The following MAP3K19 variants were observed in gnomAD, a reference collection of about 807,000 sequenced individuals.
MAP3K19 encodes the protein mitogen-activated protein kinase kinase kinase 19, also known as SPS1/STE20-related protein kinase YSK4.
A neutral mutation model predicts 114.4 loss-of-function variants in MAP3K19; 91 were observed. That is an observed-to-expected ratio of 0.80 (90% CI 0.67 to 0.95). The LOEUF is 0.95. MAP3K19 is among the 40% of genes least tolerant of loss of function. MAP3K19 has a pLI of 0.00. For synonymous variants in MAP3K19, 518 were observed against 530.5 expected (o/e 0.98, Z 0.32); for missense variants, 1,471 against 1,573.2 (o/e 0.94, Z 1.10).
chr2:135,018,816 G>A (rs764888116), intron 5 of MAP3K19, among the ~76,000 whole-genome samples: 8 of 152,080 alleles, frequency 5.3e-5, no homozygotes, highest in Non-Finnish European at 1.2e-4. Context: ...TGGGCGTGGC[G>A]GCTCACACTT....
chr2:134,971,451 G>C (rs1683876848), intron 12 of MAP3K19, among the ~76,000 whole-genome samples: 1 of 152,148 alleles, frequency 6.6e-6, no homozygotes, highest in Non-Finnish European at 1.5e-5. Context: ...ATGAGTTAGG[G>C]AGAATTCCTT....
chr2:134,980,336 T>A (rs1684545201), intron 12 of MAP3K19, among the ~76,000 whole-genome samples: 2 of 152,186 alleles, frequency 1.3e-5, no homozygotes, highest in Admixed American at 6.5e-5. Flanking sequence ...ATTCCATAGA[T>A]AGGAGAGAAG....
intron 5 of MAP3K19, among the ~76,000 whole-genome samples, chr2:135,007,298 T>C (rs1347251363): frequency 6.6e-6 from 1 of 152,256 alleles, no homozygotes; most frequent in East Asian, 1.9e-4. Flanking sequence ...TTTTTTAATT[T>C]TTATGGGTAC....
intron 5 of MAP3K19, among the ~76,000 whole-genome samples, chr2:135,008,209 ACCTCC>A (rs1686969569): frequency 6.7e-6 from 1 of 150,362 alleles, no homozygotes; most frequent in African/African-American, 2.5e-5. Flanking sequence ...TGCAACCTCC[ACCTCC>A]CGGGTTCAAG....
At chr2:135,005,952 A>C (rs1237052934) in intron 5 of MAP3K19, among the ~76,000 whole-genome samples, 1 of 152,178 alleles carries the variant, frequency 6.6e-6, no homozygotes, top group Admixed American at 6.5e-5. Flanking sequence ...ATATGGCAAG[A>C]ATGGAAATCC....
Position 134,999,794 on chromosome 2 carries a change from C to A in MAP3K19, c.314+143G>T. Reference sequence around the variant, plus strand: ...CCCACACAGCCAAAGTGTTTATGATCTGGCCTCTGCCACATACTATTTATT... The same window carrying A: ...CCCACACAGCCAAAGTGTTTATGATATGGCCTCTGCCACATACTATTTATT... On this transcript the variant is annotated intron_variant, in intron 7 of 12. Coordinates refer to ENST00000392915, the MANE Select transcript of MAP3K19 (RefSeq NM_025052.5). This position sits in a 1 kb window ranked among gnomAD's most constrained non-coding sequence, Gnocchi z 4.1. 3.2e-6 allele frequency: 2 copies of A among 632,046 alleles called. No homozygotes were observed. The highest frequency in any genetic ancestry group is 5.6e-6 in the Non-Finnish European group (2 of 355,206). The allele number at this position is 632,046 out of a possible 1,614,324, so 39.2% of individuals were successfully genotyped here.
At chr2:135,012,934 C>A (rs906627980) in intron 5 of MAP3K19, among the ~76,000 whole-genome samples, 1 of 147,142 alleles carries the variant, frequency 6.8e-6, no homozygotes, top group Non-Finnish European at 1.5e-5. Flanking sequence ...CCAGAACAAA[C>A]CCCCAAACCC....
At chr2:135,005,678 G>A in intron 5 of MAP3K19, 147 bp from the exon 6 acceptor site, 1 of 633,792 alleles carries the variant, frequency 1.6e-6, no homozygotes, top group Non-Finnish European at 2.8e-6. Context: ...AAAATAATAA[G>A]AAAGTATCTG....
At chr2:134,968,181 G>A (rs1683531279) in intron 12 of MAP3K19, among the ~76,000 whole-genome samples, 1 of 152,080 alleles carries the variant, frequency 6.6e-6, no homozygotes, top group Non-Finnish European at 1.5e-5. Context: ...TGGGGGTAAG[G>A]TCACAGATCA....
At chr2:135,046,266 ATTG>A (rs906314815) in intron 1 of MAP3K19, among the ~76,000 whole-genome samples, 1 of 151,544 alleles carries the variant, frequency 6.6e-6, no homozygotes, top group Admixed American at 6.6e-5. Flanking sequence ...TCCATTTAGA[ATTG>A]TTGTTGTTAT....
At chr2:134,998,411 A>C (rs1686181762) in intron 8 of MAP3K19, among the ~76,000 whole-genome samples, 4 of 152,238 alleles carry the variant, frequency 2.6e-5, no homozygotes, top group Admixed American at 1.3e-4. Context: ...AATGTCTGAA[A>C]TGTTTAAAGA....
At chr2:135,025,372 C>CTTTTTT (rs1054458367) in intron 3 of MAP3K19, among the ~76,000 whole-genome samples, 3 of 70,136 alleles carry the variant, frequency 4.3e-5, no homozygotes, top group South Asian at 1.2e-3. Flanking sequence ...ATGGCCTTTT[C>CTTTTTT]TTTTCTTTTT....
intron 5 of MAP3K19, among the ~76,000 whole-genome samples, chr2:135,011,429 C>A (rs545177920): frequency 2.0e-5 from 3 of 150,216 alleles, no homozygotes; most frequent in Non-Finnish European, 4.4e-5. Flanking sequence ...CCCAGCTACT[C>A]GGGAAGCTGA....
At chr2:134,968,632 A>T in intron 12 of MAP3K19, among the ~76,000 whole-genome samples, 1 of 134,732 alleles carries the variant, frequency 7.4e-6, no homozygotes, top group African/African-American at 2.9e-5. Context: ...CACTTCTCAG[A>T]CGGGGCGGCC....
intron 11 of MAP3K19, 71 bp from the exon 12 acceptor site, chr2:134,981,589 C>T: frequency 8.6e-7 from 1 of 1,165,222 alleles, no homozygotes; most frequent in East Asian, 2.4e-5. Flanking sequence ...CCTCAGGTGA[C>T]ACTTGACTTT....
intron 12 of MAP3K19, among the ~76,000 whole-genome samples, chr2:134,975,967 A>G (rs572920203): frequency 4.9e-4 from 75 of 152,296 alleles, no homozygotes; most frequent in African/African-American, 1.8e-3. Flanking sequence ...ACTGGGGAGC[A>G]CATGCTTTGG....
chr2:134,991,582 TACA>T lies in MAP3K19; in HGVS notation c.575-5_575-3del, dbSNP rs1417535413. On this transcript the variant is annotated splice_region_variant and splice_polypyrimidine_tract_variant and intron_variant, in intron 8 of 12. Transcript: ENST00000392915. ...ACTTCATATGAGAGGTCGAAAACTC[TACA>T]ACAAGAAAAACAATAACTGGATATT... 1.9e-6 allele frequency: 3 copies of T among 1,611,680 alleles called. No individual in the cohort carries two copies. Among genetic ancestry groups the T allele is most frequent in the Admixed American group, 1.7e-5 (1 of 59,990 alleles).
chr2:134,967,292 G>A (rs1440301622), intron 12 of MAP3K19, among the ~76,000 whole-genome samples: 1 of 152,186 alleles, frequency 6.6e-6, no homozygotes, highest in Non-Finnish European at 1.5e-5. Flanking sequence ...AGTCTGAAAA[G>A]TGGCCTCATG....
intron 12 of MAP3K19, among the ~76,000 whole-genome samples, chr2:134,966,543 A>T (rs1350359335): frequency 1.3e-5 from 2 of 152,248 alleles, no homozygotes; most frequent in Admixed American, 6.5e-5. Flanking sequence ...GATTAGAGGA[A>T]GAGCCCCAAA....
Sources: allele counts gnomAD v4.1 joint callset (sites outside exome capture counted in the v4.1 genomes callset), GRCh38; gene constraint gnomAD v4.1.1; non-coding constraint Gnocchi (gnomAD v3.1); transcripts MANE v1.5; gene names NCBI Gene and HGNC (gene_info 2026-07-23, HGNC 2026-07-21).